NSUN3: variants seen among roughly 807,000 people sequenced by gnomAD.
NSUN3 encodes the protein NOP2/Sun RNA methyltransferase 3.
A neutral mutation model predicts 36.8 loss-of-function variants in NSUN3; 24 were observed. The ratio of observed to expected loss-of-function variants is 0.65; its 90% CI spans 0.47 to 0.92. The LOEUF is 0.92. NSUN3 is among the 40% of genes least tolerant of loss of function. The probability of loss-of-function intolerance (pLI) is 0.00; values close to 1 mark genes in which losing one functional copy is unlikely to be tolerated. For missense variants in NSUN3, 381 were observed against 392.8 expected (o/e 0.97, Z 0.25); for synonymous variants, 146 against 145.2 (o/e 1.01, Z -0.04).
chr3:94,075,735 C>T (rs767023999), intron 2 of NSUN3, among the ~76,000 whole-genome samples: 9 of 151,886 alleles, frequency 5.9e-5, no homozygotes, highest in Admixed American at 2.6e-4. Flanking sequence ...ATCAAGCCCC[C>T]CCCCCCAATA....
In NSUN3 at chr3:94,084,733, T is replaced by A. The variant is rs565886776; in HGVS notation, c.466+283T>A. On this transcript the variant is annotated intron_variant, in intron 3 of 5. Transcript: ENST00000314622. ...TGAATGCTGATAAGCCTGATAGGTATTTTTTATTGTTTACCTTTATACTTG... is the reference window on the plus strand; with the variant it reads ...TGAATGCTGATAAGCCTGATAGGTAATTTTTATTGTTTACCTTTATACTTG... The A allele has an allele frequency of 3.2e-4, 89 of 274,968 alleles. 2 individuals are homozygous for A. The South Asian group carries it at 5.6e-3, about 17-fold the overall frequency. 17.0% of individuals were successfully genotyped at this position (274,968 alleles called of 1,614,324 possible).
At chr3:94,119,530 G>C (rs571958670) in intron 5 of NSUN3, among the ~76,000 whole-genome samples, 45 of 152,218 alleles carry the variant, frequency 3.0e-4, no homozygotes, top group African/African-American at 1.1e-3. Flanking sequence ...GGTAATGCCT[G>C]CTCACCCACC....
At chr3:94,120,210 T>C (rs1009334243) in intron 5 of NSUN3, among the ~76,000 whole-genome samples, 2 of 152,242 alleles carry the variant, frequency 1.3e-5, no homozygotes, top group Non-Finnish European at 2.9e-5. Context: ...AATTCAAATA[T>C]TGCCTATATC....
Position 94,094,719 on chromosome 3 carries a change from G to A in NSUN3, c.622-314G>A, listed in dbSNP as rs756460164. Among the ~76,000 whole-genome samples the A allele has an allele frequency of 3.3e-5, 5 of 152,232 alleles. No homozygotes were observed. In the East Asian group the frequency reaches 7.7e-4, roughly 24 times the overall value. On this transcript the variant is annotated intron_variant, in intron 4 of 5. Transcript: ENST00000314622. Reference sequence around the variant, plus strand: ...AATATTATTAATGTCTGATTACAATGAGTAACTTTTGTAAAAATTTTTGCT... The same window carrying A: ...AATATTATTAATGTCTGATTACAATAAGTAACTTTTGTAAAAATTTTTGCT...
At chr3:94,119,024 T>C (rs1436119803) in intron 5 of NSUN3, among the ~76,000 whole-genome samples, 1 of 152,186 alleles carries the variant, frequency 6.6e-6, no homozygotes, top group East Asian at 1.9e-4. Context: ...TATACAGTCC[T>C]CTGTTTGTGA....
chr3:94,090,798 T>G (rs2077311859), intron 3 of NSUN3, among the ~76,000 whole-genome samples: 1 of 152,184 alleles, frequency 6.6e-6, no homozygotes, highest in African/African-American at 2.4e-5. Context: ...GAACATTTTC[T>G]TAACATGAAA....
Position 94,131,377 on chromosome 3 carries a change from C to CA in NSUN3, c.*4888dup, listed in dbSNP as rs1247519683. Among the ~76,000 whole-genome samples, 1 of 152,216 alleles carries CA rather than the reference C, an allele frequency of 6.6e-6. No homozygotes were observed. Among genetic ancestry groups the CA allele is most frequent in the Non-Finnish European group, 1.5e-5 (1 of 68,040 alleles). ...CTTTTCCCAACACTATGCTGTCTCA[C>CA]AGAGTGTAGGTTGTTTGAACCCTCA... On this transcript the variant is annotated 3_prime_UTR_variant, in exon 6 of 6. Coordinates refer to ENST00000314622, the MANE Select transcript of NSUN3 (RefSeq NM_022072.5).
intron 5 of NSUN3, among the ~76,000 whole-genome samples, chr3:94,107,207 G>A (rs1051557142): frequency 6.6e-6 from 1 of 151,420 alleles, no homozygotes; most frequent in African/African-American, 2.4e-5. Context: ...CTGGGATTAC[G>A]GGCATGAATC....
At chr3:94,108,873 C>G (rs1375917532) in intron 5 of NSUN3, among the ~76,000 whole-genome samples, 1 of 152,072 alleles carries the variant, frequency 6.6e-6, no homozygotes, top group Non-Finnish European at 1.5e-5. Flanking sequence ...CCATGTTGGT[C>G]AGGCTGGTCT....
chr3:94,117,928 G>A (rs1191672022), intron 5 of NSUN3, among the ~76,000 whole-genome samples: 2 of 152,186 alleles, frequency 1.3e-5, no homozygotes, highest in Admixed American at 6.5e-5. Context: ...ATATTATGTC[G>A]CAATTCTGCT....
chr3:94,080,462 C>T (rs2077262689), intron 2 of NSUN3, among the ~76,000 whole-genome samples: 1 of 152,230 alleles, frequency 6.6e-6, no homozygotes, highest in South Asian at 2.1e-4. Context: ...CTGCTCTCTT[C>T]AGAGCCATCA....
intron 5 of NSUN3, among the ~76,000 whole-genome samples, chr3:94,103,011 C>T (rs541024262): frequency 5.3e-5 from 8 of 152,170 alleles, no homozygotes; most frequent in East Asian, 1.9e-4. Context: ...CTCAGCCTCT[C>T]GAGTAGCTGG....
rs1467578134 is a variant in NSUN3 at position 94,128,569 on chromosome 3, G to GTA, written c.*2080_*2081insAT. On this transcript the variant is annotated 3_prime_UTR_variant, in exon 6 of 6. Transcript: ENST00000314622. ...AATGGATGCACGTGTGTGTGTGTGTGTGTGTGTGTGTGTGTATATATATAT... is the reference window on the plus strand; with the variant it reads ...AATGGATGCACGTGTGTGTGTGTGTGTATGTGTGTGTGTGTGTATATATATAT... The GTA allele has an allele frequency of 6.8e-6, 1 of 146,776 alleles. No individual in the cohort carries two copies. The highest frequency in any genetic ancestry group is 2.0e-4 in the East Asian group (1 of 5,070). 9.1% of individuals were successfully genotyped at this position (146,776 alleles called of 1,614,324 possible). A position where few individuals can be genotyped will look rare whatever the true frequency, so the allele number is the denominator to read the frequency against.
Position 94,095,018 on chromosome 3 carries a change from CT to C in NSUN3, c.622-7del, listed in dbSNP as rs1399701502. 6.2e-7 allele frequency: 1 copy of C among 1,611,878 alleles called. No homozygotes were observed. Among genetic ancestry groups the C allele is most frequent in the Non-Finnish European group, 8.5e-7 (1 of 1,178,520 alleles). On this transcript the variant is annotated splice_polypyrimidine_tract_variant and intron_variant, in intron 4 of 5. Transcript: ENST00000314622. ...GTCAGTGCATATTTGCATCACTTGT[CT>C]TTTTTTTCTCTAGGTGTTAGTGGAT...
At chr3:94,076,526 TCCA>T in intron 2 of NSUN3, 1 of 792,530 alleles carries the variant, frequency 1.3e-6, no homozygotes, top group Non-Finnish European at 2.3e-6. Flanking sequence ...GGTCTTTGCA[TCCA>T]CCACATTTCC....
chr3:94,119,052 A>G (rs550635150), intron 5 of NSUN3, among the ~76,000 whole-genome samples: 2 of 152,190 alleles, frequency 1.3e-5, no homozygotes, highest in Non-Finnish European at 2.9e-5. Flanking sequence ...GAAACCTGTG[A>G]TAATAATTTC....
At chr3:94,111,475 T>G (rs185889762) in intron 5 of NSUN3, among the ~76,000 whole-genome samples, 1 of 152,336 alleles carries the variant, frequency 6.6e-6, no homozygotes, top group African/African-American at 2.4e-5. Context: ...TTAATAACTT[T>G]TTGACATTTC....
In NSUN3 at chr3:94,075,917, T is replaced by G. The variant is rs534276352; in HGVS notation, c.123-8190T>G. 7.4e-5 allele frequency: 105 copies of G among 1,424,958 alleles called. 3 individuals carry two copies. Among genetic ancestry groups the G allele is most frequent in the Admixed American group, 6.7e-5 (4 of 59,574 alleles). The allele number at this position is 1,424,958 out of a possible 1,614,324, so 88.3% of individuals were successfully genotyped here. A position where few individuals can be genotyped will look rare whatever the true frequency, so the allele number is the denominator to read the frequency against. ...AGAAGTAAAGACGTATCTAGGACCC[T>G]TGTCCTTCTGGATCCATATTCCTTC... On this transcript the variant is annotated intron_variant, in intron 2 of 5. Transcript: ENST00000314622.
chr3:94,125,585 G>A (rs1172900961), intron 5 of NSUN3, among the ~76,000 whole-genome samples: 3 of 152,168 alleles, frequency 2.0e-5, no homozygotes, highest in Non-Finnish European at 2.9e-5. Flanking sequence ...GCTTTCATAT[G>A]TATGCTTTGT....
Sources: allele counts gnomAD v4.1 joint callset (sites outside exome capture counted in the v4.1 genomes callset), GRCh38; gene constraint gnomAD v4.1.1; transcripts MANE v1.5; gene names NCBI Gene and HGNC (gene_info 2026-07-23, HGNC 2026-07-21).